The following USP45 variants were observed in gnomAD, a reference collection of about 807,000 sequenced individuals.
The protein encoded by USP45 is ubiquitin specific peptidase 45.
In USP45, 89 loss-of-function variants were observed where a neutral mutation model predicts 95.8. The observed-to-expected ratio is 0.93, with a 90% confidence interval of 0.78 to 1.11. USP45 has a LOEUF of 1.11. USP45 is among the 50% of genes least tolerant of loss of function. USP45 has a pLI of 0.00. For missense variants in USP45, 898 were observed against 942.5 expected (o/e 0.95, Z 0.62); for synonymous variants, 281 against 316.2 (o/e 0.89, Z 1.18).
At chr6:99,482,925 T>TA in intron 7 of USP45, 42 bp from the exon 8 acceptor site, 2 of 1,393,278 alleles carry the variant, frequency 1.4e-6, no homozygotes, top group Non-Finnish European at 1.9e-6. Flanking sequence ...ATGTACAATT[T>TA]AAAAATAACA....
intron 13 of USP45, among the ~76,000 whole-genome samples, chr6:99,458,910 T>G (rs1332989250): frequency 6.6e-6 from 1 of 151,902 alleles, no homozygotes; most frequent in Non-Finnish European, 1.5e-5. Flanking sequence ...TGTGGGGAGG[T>G]GAGAAGGACA....
At position 99,464,731 on chromosome 6, in the gene USP45, A is replaced by G; in HGVS notation, c.1181T>C (p.Leu394Pro). The G allele has an allele frequency of 6.2e-7, 1 of 1,608,016 alleles. No individual in the cohort carries two copies. The highest frequency in any genetic ancestry group is 8.5e-7 in the Non-Finnish European group (1 of 1,178,842). The change falls in exon 13 of 18, where the codon CTT becomes CCT. Residue 394 changes from leucine to proline, a missense_variant. Transcript: ENST00000500704. ...IIEERVSKPL[L>P]WGRMNKYRSL... ...TCTATATTTATTCATTCTTCCCCAA[A>G]GTAAAGGTTTTGAAACCTATGTAAA...
At position 99,494,669 on chromosome 6, in the gene USP45, G is replaced by C. The variant is rs116228926; in HGVS notation, c.479-5849C>G. On this transcript the variant is annotated intron_variant, in intron 5 of 17. Transcript: ENST00000500704. Reference sequence around the variant, plus strand: ...CAGCACTTTGGGAGCCAAGGTGGCAGGATCACTTAAAGTCAGGAGTTCGAG... The same window carrying C: ...CAGCACTTTGGGAGCCAAGGTGGCACGATCACTTAAAGTCAGGAGTTCGAG... Among the ~76,000 whole-genome samples, 1,002 of 152,262 alleles carry C rather than the reference G, an allele frequency of 6.6e-3. 10 individuals are homozygous for C. Among genetic ancestry groups the C allele is most frequent in the African/African-American group, 0.023 (970 of 41,550 alleles).
chr6:99,436,084 T>C (rs1207071073), intron 17 of USP45, among the ~76,000 whole-genome samples: 1 of 151,960 alleles, frequency 6.6e-6, no homozygotes, highest in Non-Finnish European at 1.5e-5. Context: ...ACATGTGCCA[T>C]GGTGGTTTGC....
intron 13 of USP45, among the ~76,000 whole-genome samples, chr6:99,457,333 G>A (rs1235193812): frequency 2.0e-5 from 3 of 152,146 alleles, no homozygotes; most frequent in Non-Finnish European, 2.9e-5. Flanking sequence ...GGTTTTTGCG[G>A]CTTGTGGGGC....
At chr6:99,459,551 G>A (rs553240593) in intron 13 of USP45, among the ~76,000 whole-genome samples, 2 of 152,214 alleles carry the variant, frequency 1.3e-5, no homozygotes, top group Admixed American at 1.3e-4. Flanking sequence ...GCTCTTTGAG[G>A]AATAGCCACA....
intron 13 of USP45, among the ~76,000 whole-genome samples, chr6:99,453,707 C>T (rs59401982): frequency 0.52 from 79,381 of 152,056 alleles, 21,337 homozygotes; most frequent in East Asian, 0.9. Context: ...GCCTGTAATC[C>T]CAGCACTTTG....
chr6:99,460,423 CATGATAAACAAAAAT>C (rs1327898824), intron 13 of USP45, among the ~76,000 whole-genome samples: 1 of 152,132 alleles, frequency 6.6e-6, no homozygotes, highest in Non-Finnish European at 1.5e-5. Flanking sequence ...GCCAACACCA[CATGATAAACAAAAAT>C]ATCCTTGCAA....
At chr6:99,461,878 T>C in intron 13 of USP45, 1 of 984,592 alleles carries the variant, frequency 1.0e-6, no homozygotes, top group Non-Finnish European at 1.2e-6. Flanking sequence ...AAGACTTTAT[T>C]GATCTTTATA....
Position 99,464,624 on chromosome 6 carries a change from G to A in USP45, c.1288C>T (p.His430Tyr). ...NIHQPRAAKK[H>Y]SSSKDKSQLI... is the part of the protein sequence containing the mutation. ...CTTACCTTATCTTTAGATGAAGAATGCTTCTTGGCAGCTCTAGGTTGATGA... is the reference window on the plus strand; with the variant it reads ...CTTACCTTATCTTTAGATGAAGAATACTTCTTGGCAGCTCTAGGTTGATGA... The change falls in exon 13 of 18, where the codon CAT becomes TAT. Residue 430 changes from histidine (H) to tyrosine (Y), a missense_variant. His to Tyr is a moderately conservative substitution (Grantham distance 83). Transcript: ENST00000500704. 1 of 1,612,190 alleles carries A rather than the reference G, an allele frequency of 6.2e-7. No homozygotes were observed. Among genetic ancestry groups the A allele is most frequent in the Non-Finnish European group, 8.5e-7 (1 of 1,179,508 alleles).
rs1216205651 is a variant in USP45 at position 99,455,110 on chromosome 6, C to CA, written c.1309-8648dup. Reference sequence around the variant, plus strand: ...ATCTCAAAAAAAAAAAAACAAAAAACAAAAAAACAAAACACAACAGTATGG... The same window carrying CA: ...ATCTCAAAAAAAAAAAAACAAAAAACAAAAAAAACAAAACACAACAGTATGG... On this transcript the variant is annotated intron_variant, in intron 13 of 17. Coordinates refer to ENST00000500704, the MANE Select transcript of USP45 (RefSeq NM_001346022.3). 8.1e-3 allele frequency among the ~76,000 whole-genome samples: 1,112 copies of CA among 138,014 alleles called. 19 individuals carry two copies. Among genetic ancestry groups the CA allele is most frequent in the African/African-American group, 0.025 (965 of 38,564 alleles). The allele number at this position is 138,014 out of a possible 152,430, so 90.5% of individuals were successfully genotyped here.
chr6:99,472,869 G>T (rs1046539727), intron 9 of USP45, among the ~76,000 whole-genome samples: 1 of 152,132 alleles, frequency 6.6e-6, no homozygotes, highest in African/African-American at 2.4e-5. Context: ...TCAATCAGCA[G>T]TATTTTATAG....
chr6:99,460,030 A>G (rs1243412199), intron 13 of USP45, among the ~76,000 whole-genome samples: 1 of 152,182 alleles, frequency 6.6e-6, no homozygotes, highest in Non-Finnish European at 1.5e-5. Context: ...ACTATTTTTT[A>G]AACTTTCTAA....
At chr6:99,484,431 C>T (rs550278697) in intron 7 of USP45, among the ~76,000 whole-genome samples, 51 of 152,138 alleles carry the variant, frequency 3.4e-4, no homozygotes, top group African/African-American at 1.0e-3. Flanking sequence ...CCTCCCACTC[C>T]GGCCTCCCAA....
At chr6:99,439,892 T>A (rs367858999) in intron 15 of USP45, 37 bp from the exon 16 acceptor site, 2 of 1,514,018 alleles carry the variant, frequency 1.3e-6, no homozygotes, top group African/African-American at 2.8e-5. Flanking sequence ...ATGCAACAAT[T>A]AGAAATAAAG....
chr6:99,511,826 T>C (rs557381950), intron 1 of USP45, among the ~76,000 whole-genome samples: 1 of 139,218 alleles, frequency 7.2e-6, no homozygotes, highest in East Asian at 2.1e-4. Context: ...GAGAGACACA[T>C]ATATGTATGT....
chr6:99,504,758 G>A (rs112414695), intron 4 of USP45, among the ~76,000 whole-genome samples: 11 of 152,248 alleles, frequency 7.2e-5, no homozygotes, highest in African/African-American at 2.2e-4. Context: ...GACAGTTTTG[G>A]TTCTGACAAC....
intron 4 of USP45, among the ~76,000 whole-genome samples, chr6:99,506,458 G>A (rs112096117): frequency 2.6e-5 from 4 of 152,258 alleles, no homozygotes; most frequent in South Asian, 2.1e-4. Context: ...ACAGGCGTGC[G>A]CCACCATGCC....
At chr6:99,470,503 TTAAA>T (rs1789141349) in intron 9 of USP45, among the ~76,000 whole-genome samples, 1 of 152,200 alleles carries the variant, frequency 6.6e-6, no homozygotes, top group Non-Finnish European at 1.5e-5. Flanking sequence ...TTCAAAACAC[TTAAA>T]TATTTTACAA....
Sources: gnomAD v4.1 joint callset for allele counts (sites outside exome capture counted in the v4.1 genomes callset) on GRCh38, gnomAD v4.1.1 for gene constraint, MANE v1.5 for transcripts, NCBI Gene and HGNC (gene_info 2026-07-23, HGNC 2026-07-21) for gene names.